Variants in ARSB observed in about 807,000 individuals in gnomAD.
ARSB encodes N-acetylgalactosamine-4-sulfatase.
In ARSB, 41 loss-of-function variants were observed where a neutral mutation model predicts 50.9. The ratio of observed to expected loss-of-function variants is 0.81; its 90% CI spans 0.63 to 1.04. The LOEUF (loss-of-function observed/expected upper bound fraction) is 1.04, where lower values mean the gene tolerates loss of function less well. Ranked by LOEUF, ARSB falls within the 50% of genes least tolerant of loss-of-function variation. The pLI, the probability that ARSB is intolerant of heterozygous loss-of-function variation, is 0.00. For missense variants in ARSB, 672 were observed against 693.3 expected (o/e 0.97, Z 0.35); for synonymous variants, 269 against 284.8 (o/e 0.94, Z 0.56).
chr5:78,885,808 CAA>C lies in ARSB; in HGVS notation c.916_917del (p.Leu306GlyfsTer4), dbSNP rs1748005026. On this transcript the variant is annotated frameshift_variant, in exon 5 of 8. Transcript: ENST00000264914. LOFTEE classifies it high-confidence loss of function. ...IFSTDNGGQT[L>X]AGGNNWPLRG... is the part of the protein sequence containing the mutation. Reference sequence around the variant, plus strand: ...GAAGGGGCCAGTTATTACCCCCTGCCAAAGTCTGCCCTCCGTTATCTGAAACA... The same window carrying C: ...GAAGGGGCCAGTTATTACCCCCTGCCAGTCTGCCCTCCGTTATCTGAAACA... The C allele has an allele frequency of 6.2e-7, 1 of 1,614,170 alleles. No homozygotes were observed. Among genetic ancestry groups the C allele is most frequent in the Non-Finnish European group, 8.5e-7 (1 of 1,180,036 alleles).
Position 78,984,970 on chromosome 5 carries a change from C to T in ARSB, c.279G>A (p.Pro93=), listed in dbSNP as rs1264986788. 5 of 1,495,760 alleles carry T rather than the reference C, an allele frequency of 3.3e-6. No homozygotes were observed. Among genetic ancestry groups the T allele is most frequent in the Middle Eastern group, 2.2e-4 (1 of 4,524 alleles). The allele number at this position is 1,495,760 out of a possible 1,614,324, so 92.7% of individuals were successfully genotyped here. The part of the protein sequence containing the change: ...DNYYTQPLCT[P]SRSQLLTGRY... ...GGCCAGTGAGCAGCTGGCTCCGCGA[C>T]GGCGTGCACAGCGGCTGCGTGTAGT... Residue 93 remains proline, a synonymous_variant, in exon 1 of 8, where the codon CCG becomes CCA. Coordinates refer to ENST00000264914, the MANE Select transcript of ARSB (RefSeq NM_000046.5).
intron 6 of ARSB, among the ~76,000 whole-genome samples, chr5:78,808,108 A>C (rs1028912362): frequency 2.2e-4 from 33 of 150,578 alleles, no homozygotes; most frequent in East Asian, 1.6e-3. Context: ...AAAAAAAAAA[A>C]AAAAAAAAAA....
At chr5:78,869,029 C>CA (rs1746970930) in intron 5 of ARSB, among the ~76,000 whole-genome samples, 1 of 149,920 alleles carries the variant, frequency 6.7e-6, no homozygotes, top group Non-Finnish European at 1.5e-5. Flanking sequence ...TCTGATAAAA[C>CA]AGACTTTAAA....
intron 1 of ARSB, among the ~76,000 whole-genome samples, chr5:78,981,582 G>A (rs1752906378): frequency 6.6e-6 from 1 of 152,206 alleles, no homozygotes; most frequent in Non-Finnish European, 1.5e-5. Context: ...GGACACAAGA[G>A]CCTTAGAGTT....
intron 3 of ARSB, among the ~76,000 whole-genome samples, chr5:78,960,185 A>G (rs1291111837): frequency 2.0e-5 from 3 of 152,240 alleles, no homozygotes; most frequent in Non-Finnish European, 4.4e-5. Flanking sequence ...GCAAGACATT[A>G]TCACCTAGAG....
At chr5:78,883,142 T>C (rs1322654614) in intron 5 of ARSB, 2 of 152,120 alleles carry the variant, frequency 1.3e-5, no homozygotes, top group East Asian at 3.8e-4. Context: ...GTACTCACGC[T>C]TGGGGAAATT....
intron 5 of ARSB, among the ~76,000 whole-genome samples, chr5:78,846,961 C>T (rs945097191): frequency 3.3e-5 from 5 of 152,060 alleles, no homozygotes; most frequent in South Asian, 2.1e-4. Flanking sequence ...GATTATGAAG[C>T]GATGTTGAAT....
At chr5:78,806,308 C>T (rs1315618055) in intron 6 of ARSB, among the ~76,000 whole-genome samples, 2 of 152,226 alleles carry the variant, frequency 1.3e-5, no homozygotes, top group Non-Finnish European at 2.9e-5. Flanking sequence ...ATGTCATAGG[C>T]TGTTAATATG....
chr5:78,812,592 AACACACACACAC>A (rs66597603), intron 6 of ARSB, among the ~76,000 whole-genome samples: 136 of 144,352 alleles, frequency 9.4e-4, no homozygotes, highest in Non-Finnish European at 1.3e-3. Context: ...ATTCTGTTCA[AACACACACACAC>A]ACACACACAC....
chr5:78,916,697 C>T (rs1475405135), intron 4 of ARSB, among the ~76,000 whole-genome samples: 1 of 152,076 alleles, frequency 6.6e-6, no homozygotes, highest in East Asian at 1.9e-4. Context: ...AAAAGCAATA[C>T]AAGTGTGTAA....
intron 6 of ARSB, among the ~76,000 whole-genome samples, chr5:78,791,521 C>A (rs1337939801): frequency 6.6e-6 from 1 of 152,210 alleles, no homozygotes; most frequent in African/African-American, 2.4e-5. Context: ...AGACCCAGAG[C>A]CCGTGAGTCC....
intron 4 of ARSB, among the ~76,000 whole-genome samples, chr5:78,897,744 T>C (rs1748630565): frequency 6.6e-6 from 1 of 151,986 alleles, no homozygotes; most frequent in Admixed American, 6.5e-5. Context: ...ATGTGGACTC[T>C]CATAATAATT....
intron 4 of ARSB, among the ~76,000 whole-genome samples, chr5:78,951,660 T>C (rs977307698): frequency 6.6e-6 from 1 of 152,198 alleles, no homozygotes; most frequent in Non-Finnish European, 1.5e-5. Flanking sequence ...CATCTCAGCA[T>C]GCAGTTTCAG....
At chr5:78,922,615 G>C in intron 4 of ARSB, among the ~76,000 whole-genome samples, 1 of 151,508 alleles carries the variant, frequency 6.6e-6, no homozygotes, top group Non-Finnish European at 1.5e-5. Flanking sequence ...GTGTGACCCA[G>C]CACATTCCCA....
chr5:78,834,563 C>A (rs2112704047), intron 6 of ARSB, among the ~76,000 whole-genome samples: 1 of 142,392 alleles, frequency 7.0e-6, no homozygotes, highest in Non-Finnish European at 1.5e-5. Flanking sequence ...ATTAGAATTT[C>A]TTTCACTGTT....
At position 78,978,820 on chromosome 5, in the gene ARSB, T is replaced by A. The variant is rs546893800; in HGVS notation, c.312+6117A>T. On this transcript the variant is annotated intron_variant, in intron 1 of 7. Transcript: ENST00000264914. The stretch of plus-strand genomic sequence containing the variant: ...GCATCCACATACCTCAAATTGTACA[T>A]AAAAATGAACTCCAAATGGATCAAA... 2.0e-5 allele frequency among the ~76,000 whole-genome samples: 3 copies of A among 152,256 alleles called. No homozygotes were observed. The South Asian group carries it at 6.2e-4, about 32-fold the overall frequency.
At position 78,791,035 on chromosome 5, in the gene ARSB, A is replaced by G. The variant is rs184899716; in HGVS notation, c.1214-9061T>C. Among the ~76,000 whole-genome samples the G allele has an allele frequency of 3.1e-3, 469 of 152,258 alleles. 3 individuals are homozygous for G. The highest frequency in any genetic ancestry group is 0.011 in the African/African-American group (446 of 41,576). The stretch of plus-strand genomic sequence containing the variant: ...TTCTACTGAGTTCTATTTGTTTTTT[A>G]TCATTTCACAATTTATGAAGATCAG... On this transcript the variant is annotated intron_variant, in intron 6 of 7. Transcript: ENST00000264914.
intron 4 of ARSB, among the ~76,000 whole-genome samples, chr5:78,887,539 G>A (rs544449062): frequency 2.3e-4 from 35 of 152,302 alleles, no homozygotes; most frequent in South Asian, 1.2e-3. Flanking sequence ...TATTATGATG[G>A]AAATGAAGTG....
At chr5:78,788,386 G>A (rs147762017) in intron 6 of ARSB, among the ~76,000 whole-genome samples, 2 of 152,278 alleles carry the variant, frequency 1.3e-5, no homozygotes, top group African/African-American at 4.8e-5. Context: ...ACCAGAATGA[G>A]GTGGCCTGGT....
Sources: gnomAD v4.1 joint callset for allele counts (sites outside exome capture counted in the v4.1 genomes callset) on GRCh38, gnomAD v4.1.1 for gene constraint, MANE v1.5 for transcripts, NCBI Gene and HGNC (gene_info 2026-07-23, HGNC 2026-07-21) for gene names.